Variants in TYW1B observed in about 807,000 individuals in gnomAD.
TYW1B encodes the protein tRNA-yW synthesizing protein 1 homolog B.
TYW1B carries 73 observed loss-of-function variants against 86.9 expected under a neutral mutation model. That is an observed-to-expected ratio of 0.84 (90% CI 0.70 to 1.02). The LOEUF is 1.02. Among genes scored for constraint, TYW1B ranks in the 50% least tolerant of loss-of-function variants. The probability of loss-of-function intolerance (pLI) is 0.00; values close to 1 mark genes in which losing one functional copy is unlikely to be tolerated. For missense variants in TYW1B, 637 were observed against 827.4 expected (o/e 0.77, Z 2.82); for synonymous variants, 248 against 292.8 (o/e 0.85, Z 1.56).
At chr7:72,657,908 T>C (rs1231648963) in intron 11 of TYW1B, among the ~76,000 whole-genome samples, 1 of 152,058 alleles carries the variant, frequency 6.6e-6, no homozygotes, top group Non-Finnish European at 1.5e-5. Context: ...TATTGAAAAA[T>C]AAAAGTATGC....
Position 72,744,639 on chromosome 7 carries a change from G to A in TYW1B, c.965-38C>T, listed in dbSNP as rs782207256. The A allele has an allele frequency of 2.4e-5, 39 of 1,608,356 alleles. 1 individual carries two copies. The South Asian group carries it at 3.0e-4, about 12-fold the overall frequency. The stretch of plus-strand genomic sequence containing the variant: ...AACAAATCACAATTTGAATAAAATC[G>A]TCAAAGCACAGAAACAAACCACCAA... On this transcript the variant is annotated intron_variant, in intron 7 of 13. Coordinates refer to ENST00000620995, the MANE Select transcript of TYW1B (RefSeq NM_001145440.3).
chr7:72,632,771 G>A (rs1812573162), intron 11 of TYW1B, among the ~76,000 whole-genome samples: 2 of 151,960 alleles, frequency 1.3e-5, no homozygotes, highest in South Asian at 4.2e-4. Context: ...GCTTGGCAAA[G>A]ATTCCAATGT....
At chr7:72,643,860 A>G (rs1327182343) in intron 11 of TYW1B, among the ~76,000 whole-genome samples, 1 of 152,182 alleles carries the variant, frequency 6.6e-6, no homozygotes, top group Admixed American at 6.5e-5. Context: ...TCTTCCAGAG[A>G]ACAGAAAAAG....
chr7:72,725,080 A>G (rs35147796), intron 9 of TYW1B, among the ~76,000 whole-genome samples: 1 of 152,232 alleles, frequency 6.6e-6, no homozygotes, highest in South Asian at 2.1e-4. Context: ...GCACAGGACA[A>G]GACCCTCAAC....
chr7:72,603,158 A>C (rs1811711813), intron 13 of TYW1B, among the ~76,000 whole-genome samples: 1 of 149,688 alleles, frequency 6.7e-6, no homozygotes, highest in African/African-American at 2.5e-5. Context: ...AGATGGATAG[A>C]TGATAGAAGA....
At chr7:72,737,557 G>A (rs1273757298) in intron 8 of TYW1B, among the ~76,000 whole-genome samples, 2 of 152,132 alleles carry the variant, frequency 1.3e-5, no homozygotes, top group African/African-American at 4.8e-5. Context: ...ACAATCTTAA[G>A]AAGAGATTAG....
intron 7 of TYW1B, 53 bp from the exon 8 acceptor site, chr7:72,744,654 C>T: frequency 6.4e-7 from 1 of 1,572,540 alleles, no homozygotes. Flanking sequence ...AGCACAGAAA[C>T]AAACCACCAA....
chr7:72,642,038 A>T (rs3015887), intron 11 of TYW1B, among the ~76,000 whole-genome samples: 16 of 151,862 alleles, frequency 1.1e-4, no homozygotes, highest in Middle Eastern at 3.4e-3. Context: ...TGAAGATCAA[A>T]GGAACAGAAC....
At chr7:72,703,041 T>TTGAGATGGAGTCTCGC (rs1814526021) in intron 10 of TYW1B, among the ~76,000 whole-genome samples, 1 of 141,668 alleles carries the variant, frequency 7.1e-6, no homozygotes, top group Non-Finnish European at 1.5e-5. Context: ...TTTTTTTTTT[T>TTGAGATGGAGTCTCGC]TGAGATGGAG....
intron 11 of TYW1B, among the ~76,000 whole-genome samples, chr7:72,685,130 A>C (rs1344121414): frequency 1.3e-5 from 2 of 151,970 alleles, no homozygotes; most frequent in African/African-American, 4.8e-5. Flanking sequence ...AAAAAAAAGA[A>C]AAAAGATTAT....
chr7:72,813,335 C>A (rs1788660143), intron 3 of TYW1B, among the ~76,000 whole-genome samples: 1 of 152,080 alleles, frequency 6.6e-6, no homozygotes, highest in Non-Finnish European at 1.5e-5. Context: ...ACCACCAAGC[C>A]CAGCTAATTT....
intron 11 of TYW1B, among the ~76,000 whole-genome samples, chr7:72,690,426 TCTC>T (rs1396855300): frequency 6.6e-6 from 1 of 152,244 alleles, no homozygotes; most frequent in Non-Finnish European, 1.5e-5. Context: ...AATATATTTC[TCTC>T]CTCATATTGA....
At chr7:72,790,311 G>A (rs1187969736) in intron 6 of TYW1B, among the ~76,000 whole-genome samples, 1 of 152,078 alleles carries the variant, frequency 6.6e-6, no homozygotes, top group African/African-American at 2.4e-5. Context: ...CTAATTAGGT[G>A]TCTCATGGCG....
At chr7:72,789,695 T>G (rs1179710354) in intron 6 of TYW1B, among the ~76,000 whole-genome samples, 2 of 152,020 alleles carry the variant, frequency 1.3e-5, no homozygotes, top group Admixed American at 6.6e-5. Context: ...GAGGCTGGTC[T>G]CAAATTCCCG....
At chr7:72,727,573 T>C (rs1242030970) in intron 9 of TYW1B, among the ~76,000 whole-genome samples, 4 of 152,012 alleles carry the variant, frequency 2.6e-5, no homozygotes, top group Admixed American at 1.3e-4. Context: ...TCCCAGCACT[T>C]TGGGAGGCCA....
intron 13 of TYW1B, among the ~76,000 whole-genome samples, chr7:72,587,361 C>T (rs1554430655): frequency 6.6e-6 from 1 of 152,152 alleles, no homozygotes; most frequent in Admixed American, 6.5e-5. Context: ...ACAGAGCCAG[C>T]TGTGCGGGAG....
chr7:72,659,294 T>C (rs1207589400), intron 11 of TYW1B, among the ~76,000 whole-genome samples: 2 of 152,102 alleles, frequency 1.3e-5, no homozygotes, highest in Non-Finnish European at 2.9e-5. Flanking sequence ...AACTGATGAA[T>C]ATGGCAGGGC....
intron 11 of TYW1B, among the ~76,000 whole-genome samples, chr7:72,658,418 C>T (rs1347344172): frequency 6.6e-6 from 1 of 152,088 alleles, no homozygotes; most frequent in African/African-American, 2.4e-5. Context: ...ATGCAAAGCA[C>T]GATCCAATTT....
chr7:72,745,225 T>C (rs1787374440), intron 7 of TYW1B, among the ~76,000 whole-genome samples: 1 of 152,174 alleles, frequency 6.6e-6, no homozygotes. Flanking sequence ...GGTCTCACTA[T>C]GTTGCCCAGG....
Sources: allele counts gnomAD v4.1 joint callset (sites outside exome capture counted in the v4.1 genomes callset), GRCh38; gene constraint gnomAD v4.1.1; transcripts MANE v1.5; gene names NCBI Gene and HGNC (gene_info 2026-07-23, HGNC 2026-07-21).